EXOC4: variants seen among roughly 807,000 people sequenced by gnomAD.
The protein encoded by EXOC4 is SEC8-like 1.
In EXOC4, 71 loss-of-function variants were observed where a neutral mutation model predicts 107.2. The observed-to-expected ratio is 0.66, with a 90% confidence interval of 0.55 to 0.81. The LOEUF is 0.81. Among genes scored for constraint, EXOC4 ranks in the 30% least tolerant of loss-of-function variants. The pLI is 0.00. For synonymous variants in EXOC4, 456 were observed against 441.2 expected, an observed-to-expected ratio of 1.03 and a Z score of -0.42; for missense variants, 1,108 against 1,189.6, an observed-to-expected ratio of 0.93 and a Z score of 1.01.
At chr7:133,489,826 C>T (rs1799338102) in intron 9 of EXOC4, among the ~76,000 whole-genome samples, 1 of 152,152 alleles carries the variant, frequency 6.6e-6, no homozygotes, top group Admixed American at 6.5e-5. Flanking sequence ...CACCTGCCTC[C>T]CAGCATTTGT....
chr7:133,666,402 T>TA (rs1382636796), intron 10 of EXOC4, among the ~76,000 whole-genome samples: 1 of 152,156 alleles, frequency 6.6e-6, no homozygotes, highest in African/African-American at 2.4e-5. Context: ...GGTGTACAGA[T>TA]TGATAGCCAT....
intron 9 of EXOC4, among the ~76,000 whole-genome samples, chr7:133,604,741 T>C (rs1398951556): frequency 3.6e-5 from 4 of 110,346 alleles, no homozygotes; most frequent in Admixed American, 2.1e-4. Context: ...TTTTTTTTTT[T>C]GAGGCAGAGT....
intron 2 of EXOC4, among the ~76,000 whole-genome samples, chr7:133,281,554 C>G (rs929720960): frequency 6.6e-6 from 1 of 151,926 alleles, no homozygotes; most frequent in African/African-American, 2.4e-5. Context: ...ATCCTTGACT[C>G]ATAGATAACT....
At chr7:133,636,309 A>AAAACTCAT (rs1306182102) in intron 10 of EXOC4, among the ~76,000 whole-genome samples, 4 of 152,296 alleles carry the variant, frequency 2.6e-5, no homozygotes, top group Admixed American at 1.3e-4. Flanking sequence ...TAAATAAATG[A>AAAACTCAT]GTTGGTTGGT....
At chr7:133,569,420 A>C (rs1800973021) in intron 9 of EXOC4, among the ~76,000 whole-genome samples, 1 of 152,208 alleles carries the variant, frequency 6.6e-6, no homozygotes, top group African/African-American at 2.4e-5. Context: ...TAAAATGTGT[A>C]AGTTGACATA....
At chr7:134,047,028 A>T (rs1191693523) in intron 17 of EXOC4, among the ~76,000 whole-genome samples, 1 of 152,180 alleles carries the variant, frequency 6.6e-6, no homozygotes, top group Non-Finnish European at 1.5e-5. Flanking sequence ...GGTGTGATCA[A>T]ATTGGTACTG....
chr7:133,797,458 C>G (rs1796840932), intron 10 of EXOC4, among the ~76,000 whole-genome samples: 1 of 152,266 alleles, frequency 6.6e-6, no homozygotes, highest in East Asian at 1.9e-4. Flanking sequence ...GCATTAAGGA[C>G]AGGTGACAAG....
intron 14 of EXOC4, among the ~76,000 whole-genome samples, chr7:133,989,453 A>G (rs145042027): frequency 2.0e-5 from 3 of 152,318 alleles, no homozygotes; most frequent in Admixed American, 1.3e-4. Flanking sequence ...ACTAGAGGAA[A>G]AAGTCCCCAG....
chr7:133,710,048 A>G lies in EXOC4; in HGVS notation c.1514+79907A>G, dbSNP rs533500518. Among the ~76,000 whole-genome samples, 16 of 152,332 alleles carry G rather than the reference A, an allele frequency of 1.1e-4. 1 individual carries two copies. The South Asian group carries it at 2.1e-3, about 20-fold the overall frequency. On this transcript the variant is annotated intron_variant, in intron 10 of 17. Coordinates refer to ENST00000253861, the MANE Select transcript of EXOC4 (RefSeq NM_021807.4). ...CTTTTAGATTCCTGGCACTTTGCCT[A>G]TGAGTGTTGTCATTTTTATCAGCCA... is the stretch of plus-strand genomic sequence containing the variant.
intron 10 of EXOC4, among the ~76,000 whole-genome samples, chr7:133,783,455 G>T (rs949236540): frequency 1.3e-5 from 2 of 152,188 alleles, no homozygotes; most frequent in Non-Finnish European, 2.9e-5. Context: ...CATCCTATTT[G>T]TGGTTCCCTT....
At chr7:133,484,269 A>G (rs1799224260) in intron 9 of EXOC4, 2 of 1,225,336 alleles carry the variant, frequency 1.6e-6, no homozygotes, top group South Asian at 3.5e-5. Flanking sequence ...TTCATTATAT[A>G]GTCTGCTGTT....
chr7:133,666,572 A>T (rs1156509966), intron 10 of EXOC4, among the ~76,000 whole-genome samples: 2 of 152,128 alleles, frequency 1.3e-5, no homozygotes, highest in Non-Finnish European at 2.9e-5. Context: ...TCTTACTTTA[A>T]TGCAGTTTAT....
chr7:133,720,149 A>T (rs1795078442), intron 10 of EXOC4, among the ~76,000 whole-genome samples: 1 of 152,218 alleles, frequency 6.6e-6, no homozygotes, highest in Admixed American at 6.5e-5. Context: ...TCTACCCCTG[A>T]AATAATGCTA....
intron 9 of EXOC4, among the ~76,000 whole-genome samples, chr7:133,509,824 G>A (rs1373424229): frequency 6.6e-6 from 1 of 152,102 alleles, no homozygotes; most frequent in African/African-American, 2.4e-5. Context: ...AAACCTACGA[G>A]GTGTTTTCAC....
At chr7:133,428,529 G>C (rs1408177839) in intron 7 of EXOC4, among the ~76,000 whole-genome samples, 9 of 152,174 alleles carry the variant, frequency 5.9e-5, no homozygotes, top group Admixed American at 5.9e-4. Flanking sequence ...ATTCTGTTCT[G>C]TTCTGCTCTA....
At chr7:133,682,146 C>A (rs1248425719) in intron 10 of EXOC4, among the ~76,000 whole-genome samples, 2 of 152,092 alleles carry the variant, frequency 1.3e-5, no homozygotes, top group African/African-American at 4.8e-5. Flanking sequence ...GATCCAGGCA[C>A]CTTGTCCTCC....
chr7:134,058,677 T>C (rs1365000657), intron 17 of EXOC4, among the ~76,000 whole-genome samples: 1 of 129,736 alleles, frequency 7.7e-6, no homozygotes, highest in African/African-American at 3.1e-5. Context: ...AAGAAAGAGC[T>C]GAGTATGGGA....
At chr7:133,387,361 TA>T (rs2150710392) in intron 7 of EXOC4, among the ~76,000 whole-genome samples, 1 of 152,330 alleles carries the variant, frequency 6.6e-6, no homozygotes, top group East Asian at 1.9e-4. Flanking sequence ...TGCTTTAATG[TA>T]CATTACTATA....
At chr7:134,073,663 TC>T in the EXOC4 span, among the ~76,000 whole-genome samples, 1 of 142,960 alleles carries the variant, frequency 7.0e-6, no homozygotes, top group Non-Finnish European at 1.5e-5. Context: ...AATGTCACAT[TC>T]TTTTTTTTTT....
Sources: gnomAD v4.1 joint callset for allele counts (sites outside exome capture counted in the v4.1 genomes callset) on GRCh38, gnomAD v4.1.1 for gene constraint, MANE v1.5 for transcripts, NCBI Gene and HGNC (gene_info 2026-07-23, HGNC 2026-07-21) for gene names.